DCK: variants seen among roughly 807,000 people sequenced by gnomAD.
The protein encoded by DCK is deoxycytidine kinase.
In DCK, 23 loss-of-function variants were observed where a neutral mutation model predicts 38.3. The ratio of observed to expected loss-of-function variants is 0.60; its 90% CI spans 0.43 to 0.85. DCK has a LOEUF of 0.85. Among genes scored for constraint, DCK ranks in the 40% least tolerant of loss-of-function variants. DCK has a pLI of 0.00. For missense variants in DCK, 259 were observed against 304.4 expected (o/e 0.85, Z 1.11); for synonymous variants, 108 against 100.6 (o/e 1.07, Z -0.44).
At chr4:70,996,904 C>A (rs1739670898) in intron 1 of DCK, among the ~76,000 whole-genome samples, 1 of 152,108 alleles carries the variant, frequency 6.6e-6, no homozygotes, top group African/African-American at 2.4e-5. Context: ...GTATTAACAT[C>A]AGTGTCTTTG....
At chr4:71,026,057 C>A in intron 5 of DCK, 126 bp downstream of exon 5, 1 of 1,132,504 alleles carries the variant, frequency 8.8e-7, no homozygotes, top group Non-Finnish European at 1.2e-6. Flanking sequence ...TTATTGGTAT[C>A]TTCCAGAACT....
In DCK at chr4:71,023,702, C is replaced by G; in HGVS notation, c.545C>G (p.Pro182Arg). 1 of 1,604,520 alleles carries G rather than the reference C, an allele frequency of 6.2e-7. No homozygotes were observed. ...GGAATCATTTATCTTCAAGCCACTC[C>G]AGAGGTAAAACCCAATAAAAATGTG... Reference protein sequence around the residue: ...LDGIIYLQATPETCLHRIYLR... With the variant: ...LDGIIYLQATRETCLHRIYLR... The change falls in exon 4 of 7, where the codon CCA (proline) becomes CGA (arginine). Residue 182 changes from proline to arginine, a missense_variant. Physicochemically the swap from Pro to Arg is moderately radical, Grantham distance 103 (BLOSUM62 -2). Coordinates refer to ENST00000286648, the MANE Select transcript of DCK (RefSeq NM_000788.3).
At chr4:71,019,700 C>T (rs1266440152) in intron 2 of DCK, among the ~76,000 whole-genome samples, 2 of 152,122 alleles carry the variant, frequency 1.3e-5, no homozygotes, top group Non-Finnish European at 1.5e-5. Flanking sequence ...TCCCCATTGT[C>T]TAATAATGTT....
rs1740639314 is a variant in DCK at position 71,029,660 on chromosome 4, C to T, written c.*282C>T. On this transcript the variant is annotated 3_prime_UTR_variant, in exon 7 of 7. Transcript: ENST00000286648. The stretch of plus-strand genomic sequence containing the variant: ...CAGTATCAGCATAGTGACTAAACTA[C>T]ATTATAAAAGATCCAGCTTCCTTCT... 1 of 299,790 alleles carries T rather than the reference C, an allele frequency of 3.3e-6. No homozygotes were observed. 18.6% of individuals were successfully genotyped at this position (299,790 alleles called of 1,614,324 possible). A position where few individuals can be genotyped will look rare whatever the true frequency, so the allele number is the denominator to read the frequency against.
At chr4:71,023,511 T>C in intron 3 of DCK, 48 bp from the exon 4 acceptor site, 3 of 1,221,646 alleles carry the variant, frequency 2.5e-6, no homozygotes, top group Non-Finnish European at 3.4e-6. Flanking sequence ...TATTTCTTTG[T>C]TGTTTTTTTT....
At chr4:71,019,631 CAT>C (rs1198060979) in intron 2 of DCK, among the ~76,000 whole-genome samples, 1 of 152,096 alleles carries the variant, frequency 6.6e-6, no homozygotes, top group Non-Finnish European at 1.5e-5. Flanking sequence ...TCTTTTAAAA[CAT>C]ATCATCTAAA....
Position 71,027,112 on chromosome 4 carries a change from A to G in DCK, c.756+357A>G, listed in dbSNP as rs144194923. Among the ~76,000 whole-genome samples, 459 of 151,970 alleles carry G rather than the reference A, an allele frequency of 3.0e-3. 2 individuals carry two copies. The highest frequency in any genetic ancestry group is 1.0e-2 in the African/African-American group (414 of 41,484). ...CCCCCTTTTTCTCTGCTTTGTCCCCATTTCTTCCTCTCTTCCCTACACCAC... is the reference window on the plus strand; with the variant it reads ...CCCCCTTTTTCTCTGCTTTGTCCCCGTTTCTTCCTCTCTTCCCTACACCAC... On this transcript the variant is annotated intron_variant, in intron 6 of 6. Coordinates refer to ENST00000286648, the MANE Select transcript of DCK (RefSeq NM_000788.3).
chr4:71,002,204 A>G (rs1269129542), intron 2 of DCK, among the ~76,000 whole-genome samples: 1 of 151,984 alleles, frequency 6.6e-6, no homozygotes, highest in Non-Finnish European at 1.5e-5. Context: ...GAACTTATTT[A>G]TTTCTGCCCT....
chr4:71,025,938 CTTATTT>C lies in DCK; in HGVS notation c.665+14_665+19del, dbSNP rs758859092. 32 of 1,565,532 alleles carry C rather than the reference CTTATTT, an allele frequency of 2.0e-5. No individual in the cohort carries two copies. Among genetic ancestry groups the C allele is most frequent in the Non-Finnish European group, 2.7e-5 (31 of 1,162,728 alleles). On this transcript the variant is annotated splice_region_variant and intron_variant, in intron 5 of 6. Transcript: ENST00000286648. ...TCCTGCATAGGACACTGAAGTAAGA[CTTATTT>C]TTATTTACTATTCATTTTAAATACC... is the stretch of plus-strand genomic sequence containing the variant.
chr4:70,999,636 T>C (rs970752748), intron 2 of DCK, among the ~76,000 whole-genome samples: 4 of 152,192 alleles, frequency 2.6e-5, no homozygotes, highest in Non-Finnish European at 4.4e-5. Context: ...ACACTCCCAC[T>C]AACAGTGTAA....
chr4:71,006,891 C>G (rs1739959289), intron 2 of DCK, among the ~76,000 whole-genome samples: 2 of 151,696 alleles, frequency 1.3e-5, no homozygotes, highest in African/African-American at 4.8e-5. Flanking sequence ...CTGAGGAGTA[C>G]AGAAAATTGA....
rs996431565 is a variant in DCK at position 71,025,134 on chromosome 4, T to C, written c.550-682T>C. On this transcript the variant is annotated intron_variant, in intron 4 of 6. Transcript: ENST00000286648. Reference sequence around the variant, plus strand: ...CTCATGGTATATGAGCCCCCACAAATTATACGAAATTTTTTATGTATGTGT... The same window carrying C: ...CTCATGGTATATGAGCCCCCACAAACTATACGAAATTTTTTATGTATGTGT... Among the ~76,000 whole-genome samples the C allele has an allele frequency of 2.6e-5, 4 of 152,078 alleles. No individual in the cohort carries two copies. In the South Asian group the frequency reaches 6.2e-4, roughly 24 times the overall value.
chr4:71,019,610 T>C (rs1044447503), intron 2 of DCK, among the ~76,000 whole-genome samples: 2 of 152,136 alleles, frequency 1.3e-5, no homozygotes, highest in African/African-American at 4.8e-5. Context: ...CAGAGAACTC[T>C]AGAAATATAG....
chr4:70,994,808 G>A (rs1229805987), intron 1 of DCK, among the ~76,000 whole-genome samples: 1 of 152,170 alleles, frequency 6.6e-6, no homozygotes, highest in African/African-American at 2.4e-5. Context: ...ATGATTCAAA[G>A]ACCACTAACG....
At chr4:71,006,136 A>C (rs1739935338) in intron 2 of DCK, among the ~76,000 whole-genome samples, 1 of 5,684 alleles carries the variant, frequency 1.8e-4, no homozygotes, top group Non-Finnish European at 6.2e-3. Context: ...AAAACACCAA[A>C]AAAAAAAAAA....
rs549878201 is a variant in DCK at position 71,007,473 on chromosome 4, A to G, written c.207+9291A>G. On this transcript the variant is annotated intron_variant, in intron 2 of 6. Coordinates refer to ENST00000286648, the MANE Select transcript of DCK (RefSeq NM_000788.3). ...TTCTTTCCTACGTTACTACTCCGCT[A>G]GGGGTAATTACTCCCATTCTTTTGT... Among the ~76,000 whole-genome samples the G allele has an allele frequency of 6.6e-5, 10 of 152,306 alleles. No homozygotes were observed. The South Asian group carries it at 1.9e-3, about 28-fold the overall frequency.
At chr4:71,029,223 A>G in intron 6 of DCK, 129 bp from the exon 7 acceptor site, 1 of 537,976 alleles carries the variant, frequency 1.9e-6, no homozygotes, top group East Asian at 3.2e-5. Context: ...AAGTAAATGC[A>G]ATGGCATTGT....
In DCK at chr4:71,006,747, G is replaced by A. The variant is rs1739951364; in HGVS notation, c.207+8565G>A. Among the ~76,000 whole-genome samples the A allele has an allele frequency of 2.0e-5, 3 of 152,264 alleles. No homozygotes were observed. In the South Asian group the frequency reaches 6.2e-4, roughly 32 times the overall value. On this transcript the variant is annotated intron_variant, in intron 2 of 6. Transcript: ENST00000286648. ...TGCTTGAGCCCAAGAAATTGAGACT[G>A]TAGTGAGCCATGCTCATGCCACTGT...
intron 2 of DCK, among the ~76,000 whole-genome samples, chr4:71,010,305 G>T (rs758367579): frequency 6.6e-6 from 1 of 151,550 alleles, no homozygotes; most frequent in Non-Finnish European, 1.5e-5. Context: ...ATCTCTCTTG[G>T]TGAGAATGAT....
Sources: gnomAD v4.1 joint callset for allele counts (sites outside exome capture counted in the v4.1 genomes callset) on GRCh38, gnomAD v4.1.1 for gene constraint, MANE v1.5 for transcripts, NCBI Gene and HGNC (gene_info 2026-07-23, HGNC 2026-07-21) for gene names.